The following CIMAP1B variants were observed in gnomAD, a reference collection of about 807,000 sequenced individuals.
CIMAP1B encodes the protein orf2 5' to PD-ECGF/TP.
the CIMAP1B span, chr22:50,531,218 C>T: frequency 1.1e-5 from 17 of 1,612,836 alleles, no homozygotes; most frequent in Non-Finnish European, 1.4e-5. Flanking sequence ...GCCTGGACAC[C>T]CCAGTTTCGG....
At chr22:50,531,704 T>A in the CIMAP1B span, 3 of 1,367,644 alleles carry the variant, frequency 2.2e-6, no homozygotes, top group East Asian at 6.1e-5. Context: ...CGTCGTCTGC[T>A]GCGTGGGGAA....
the CIMAP1B span, chr22:50,530,740 G>A: frequency 7.4e-6 from 12 of 1,611,588 alleles, no homozygotes; most frequent in Non-Finnish European, 9.3e-6. Flanking sequence ...CGCGGGCCCT[G>A]GCTTCCGAGT....
chr22:50,532,264 TGGAGCTTG>T, the CIMAP1B span: 2 of 827,868 alleles, frequency 2.4e-6, no homozygotes, highest in African/African-American at 3.5e-5. Flanking sequence ...CCCGGCTGTG[TGGAGCTTG>T]GGGCCGGGAG....
the CIMAP1B span, chr22:50,531,478 AG>A: frequency 8.6e-7 from 1 of 1,166,076 alleles, no homozygotes. Flanking sequence ...AGGGTATCCG[AG>A]GGGGACTCGG....
At chr22:50,531,424 T>C in the CIMAP1B span, 2 of 1,093,058 alleles carry the variant, frequency 1.8e-6, no homozygotes, top group Middle Eastern at 2.0e-4. Context: ...GTTCGGGGTT[T>C]GGGATTTGAG....
the CIMAP1B span, chr22:50,531,102 A>T: frequency 2.5e-6 from 4 of 1,592,026 alleles, no homozygotes; most frequent in East Asian, 2.2e-5. Context: ...CTCCGCGGAC[A>T]GGCGCAGGGT....
chr22:50,531,819 C>A, the CIMAP1B span: 6 of 1,343,256 alleles, frequency 4.5e-6, no homozygotes, highest in African/African-American at 7.7e-5. Flanking sequence ...GCCCCAAGCC[C>A]CATCTGCAAC....
At chr22:50,530,489 C>G in the CIMAP1B span, 3 of 1,598,198 alleles carry the variant, frequency 1.9e-6, no homozygotes, top group South Asian at 1.1e-5. Flanking sequence ...GTCAGTTGTC[C>G]GCGTCGGTCA....
the CIMAP1B span, chr22:50,530,951 C>G: frequency 3.7e-6 from 6 of 1,611,004 alleles, no homozygotes; most frequent in African/African-American, 2.7e-5. Flanking sequence ...CTGAGGTCCT[C>G]GAAGAAACTG....
the CIMAP1B span, chr22:50,531,684 C>G: frequency 7.3e-7 from 1 of 1,369,398 alleles, no homozygotes; most frequent in Non-Finnish European, 9.4e-7. Context: ...TGGCCTGGCC[C>G]GGGGCCGCAC....
the CIMAP1B span, chr22:50,531,115 T>C: frequency 6.3e-7 from 1 of 1,586,986 alleles, no homozygotes; most frequent in Non-Finnish European, 8.6e-7. Flanking sequence ...CGCAGGGTGG[T>C]CCCAGCTCCC....
chr22:50,531,454 G>T, the CIMAP1B span: 1 of 1,075,002 alleles, frequency 9.3e-7, no homozygotes, highest in Non-Finnish European at 1.3e-6. Flanking sequence ...TGGGGGTACC[G>T]AATATGCGGT....
At chr22:50,531,011 C>G in the CIMAP1B span, 3 of 1,610,832 alleles carry the variant, frequency 1.9e-6, no homozygotes, top group Non-Finnish European at 8.5e-7. Flanking sequence ...GAGACTTTGC[C>G]GATGACGCGC....
At chr22:50,530,917 C>T in the CIMAP1B span, 4 of 1,609,748 alleles carry the variant, frequency 2.5e-6, no homozygotes, top group Non-Finnish European at 3.4e-6. Context: ...CCCCTGCGTC[C>T]GCCCCGGCCC....
chr22:50,532,101 G>C, the CIMAP1B span: 1 of 1,355,512 alleles, frequency 7.4e-7, no homozygotes, highest in Non-Finnish European at 9.5e-7. Context: ...GGCGCTTACG[G>C]CTCGCAGCAC....
the CIMAP1B span, chr22:50,530,523 T>A: frequency 1.2e-6 from 2 of 1,601,090 alleles, no homozygotes; most frequent in Admixed American, 3.5e-5. Flanking sequence ...GTAGTCCGAG[T>A]GCCGGATCCC....
the CIMAP1B span, chr22:50,531,914 C>T: frequency 2.1e-5 from 28 of 1,314,922 alleles, no homozygotes; most frequent in Non-Finnish European, 4.9e-6. Flanking sequence ...GTCTCTTCCC[C>T]TTCCCTCCCC....
the CIMAP1B span, chr22:50,531,379 G>T: frequency 8.2e-7 from 1 of 1,217,030 alleles, no homozygotes. Flanking sequence ...GGACTAGTGG[G>T]GAGTCTGAGC....
At chr22:50,530,463 C>T in the CIMAP1B span, 4 of 1,582,416 alleles carry the variant, frequency 2.5e-6, no homozygotes, top group South Asian at 2.3e-5. Flanking sequence ...CGTGTGGGGC[C>T]GCTCCCGCCT....
Sources: allele counts gnomAD v4.1 joint callset, GRCh38; gene constraint gnomAD v4.1.1; transcripts MANE v1.5; gene names NCBI Gene and HGNC (gene_info 2026-07-23, HGNC 2026-07-21).